Variants in CUX1 observed in about 807,000 individuals in gnomAD.
CUX1 encodes cut like homeobox 1, also known as protein CASP.
CUX1 carries 31 observed loss-of-function variants against 158.8 expected under a neutral mutation model. The observed-to-expected ratio is 0.20, with a 90% CI of 0.15 to 0.26. The LOEUF (loss-of-function observed/expected upper bound fraction) is 0.26. Among genes scored for constraint, CUX1 ranks in the 10% least tolerant of loss-of-function variants. The probability of loss-of-function intolerance (pLI) is 1.00; values close to 1 mark genes in which losing one functional copy is unlikely to be tolerated. For synonymous variants in CUX1, 879 were observed against 862.1 expected, an observed-to-expected ratio of 1.02 and a Z score of -0.34; for missense variants, 1,589 against 2,014.6, an observed-to-expected ratio of 0.79 and a Z score of 4.04.
chr7:102,020,491 C>G (rs1463005826), intron 2 of CUX1, among the ~76,000 whole-genome samples: 3 of 152,222 alleles, frequency 2.0e-5, no homozygotes, highest in Non-Finnish European at 4.4e-5. Flanking sequence ...AACTTAACAG[C>G]TATCTAACGT....
exon 16 of CUX1, chr7:102,274,258 C>G (rs1264637054): frequency 6.2e-7 from 1 of 1,613,652 alleles, no homozygotes; most frequent in Admixed American, 1.7e-5. Context: ...CCGCTGAGCA[C>G]CGCCTGGAGA....
At chr7:101,881,016 G>A (rs796551934) in intron 1 of CUX1, among the ~76,000 whole-genome samples, 19 of 152,328 alleles carry the variant, frequency 1.2e-4, no homozygotes, top group African/African-American at 2.9e-4. Context: ...GGAGCCCCCC[G>A]CAGTTTGATG....
Position 101,904,395 on chromosome 7 carries a change from C to A in CUX1, c.31-11720C>A, listed in dbSNP as rs1186800393. On this transcript the variant is annotated intron_variant, in intron 1 of 23. Coordinates refer to ENST00000292535, the MANE Select transcript of CUX1 (RefSeq NM_181552.4). ...CTGTCTACCCTAAGTCAGTACTGTA[C>A]TTCTGTTCATTTTCTGGGGGTGTGC... Among the ~76,000 whole-genome samples the A allele has an allele frequency of 3.3e-5, 5 of 152,242 alleles. No individual in the cohort carries two copies. The East Asian group carries it at 9.6e-4, about 29-fold the overall frequency.
rs1801623410 is a variant in CUX1, at chr7:102,252,498, A to G, written c.*3456A>G. On this transcript the variant is annotated 3_prime_UTR_variant, in exon 24 of 24. Coordinates refer to ENST00000292535, the MANE Select transcript of CUX1 (RefSeq NM_181552.4). ...ACTTAATTACAAGCTCCATTATGCC[A>G]TTTTAAATGGCTTCTTTTTGTTAAT... is the stretch of plus-strand genomic sequence containing the variant. The G allele has an allele frequency of 3.0e-6, 3 of 985,464 alleles. No individual in the cohort carries two copies. Among genetic ancestry groups the G allele is most frequent in the Non-Finnish European group, 3.6e-6 (3 of 829,940 alleles). The allele number at this position is 985,464 out of a possible 1,614,324, so 61.0% of individuals were successfully genotyped here. A position where few individuals can be genotyped will look rare whatever the true frequency, so the allele number is the denominator to read the frequency against.
intron 20 of CUX1, among the ~76,000 whole-genome samples, chr7:102,213,121 G>T (rs1361536851): frequency 2.0e-5 from 3 of 152,184 alleles, no homozygotes; most frequent in African/African-American, 7.2e-5. Flanking sequence ...TGGGGTTACA[G>T]GTGTGCACCA....
At position 102,248,835 on chromosome 7, in the gene CUX1, C is replaced by T; in HGVS notation, c.4311C>T (p.Ser1437=). 8.3e-7 allele frequency: 1 copy of T among 1,211,194 alleles called. No homozygotes were observed. Among genetic ancestry groups the T allele is most frequent in the African/African-American group, 1.6e-5 (1 of 60,972 alleles). 75.0% of individuals were successfully genotyped at this position (1,211,194 alleles called of 1,614,324 possible). A position where few individuals can be genotyped will look rare whatever the true frequency, so the allele number is the denominator to read the frequency against. ...APGEGPAAPS[S]APPPSNSSSS... Reference sequence around the variant, plus strand: ...GGGAGGGCCCCGCGGCCCCGAGCTCCGCGCCGCCGCCCAGCAACAGCAGCA... The same window carrying T: ...GGGAGGGCCCCGCGGCCCCGAGCTCTGCGCCGCCGCCCAGCAACAGCAGCA... The change falls in exon 24 of 24, where the codon TCC becomes TCT. Residue 1437 remains serine (S), a synonymous_variant. Coordinates refer to ENST00000292535, the MANE Select transcript of CUX1 (RefSeq NM_181552.4). The surrounding 1 kb of genome is among the most constrained non-coding windows in gnomAD (Gnocchi z 5.8).
At position 102,051,802 on chromosome 7, in the gene CUX1, A is replaced by G. The variant is rs375244582; in HGVS notation, c.190-18537A>G. On this transcript the variant is annotated intron_variant, in intron 3 of 23. Transcript: ENST00000292535. ...TGGATGGGAGGAAGACCTACTTTTC[A>G]CTGTCAACTTTGTTTTCGCTTTGCT... 1.4e-4 allele frequency among the ~76,000 whole-genome samples: 21 copies of G among 152,242 alleles called. 1 individual carries two copies. In the East Asian group the frequency reaches 1.7e-3, roughly 13 times the overall value.
chr7:102,173,119 G>A (rs1791915874), intron 10 of CUX1, among the ~76,000 whole-genome samples: 1 of 152,144 alleles, frequency 6.6e-6, no homozygotes, highest in Admixed American at 6.6e-5. Flanking sequence ...TAGCACTTTG[G>A]GGGGCCGAGG....
intron 4 of CUX1, among the ~76,000 whole-genome samples, chr7:102,085,613 G>A (rs1337083727): frequency 5.9e-5 from 9 of 152,156 alleles, no homozygotes; most frequent in African/African-American, 1.4e-4. Context: ...CCTCAGCCAC[G>A]CTCAACTGTG....
chr7:102,001,779 T>C (rs1285329772), intron 2 of CUX1, among the ~76,000 whole-genome samples: 1 of 152,250 alleles, frequency 6.6e-6, no homozygotes, highest in Non-Finnish European at 1.5e-5. Flanking sequence ...AAGCGTGTGC[T>C]GAGCAAAACT....
chr7:102,219,362 T>C (rs1797585031), intron 20 of CUX1, among the ~76,000 whole-genome samples: 1 of 152,030 alleles, frequency 6.6e-6, no homozygotes, highest in Non-Finnish European at 1.5e-5. Flanking sequence ...TCCCTCCCAC[T>C]CCAACCCTTC....
intron 6 of CUX1, among the ~76,000 whole-genome samples, chr7:102,108,368 CAG>C (rs1427153257): frequency 1.3e-5 from 2 of 152,244 alleles, no homozygotes; most frequent in East Asian, 1.9e-4. Flanking sequence ...TTTTTTGAGA[CAG>C]AGTCTTGCTC....
intron 9 of CUX1, among the ~76,000 whole-genome samples, chr7:102,161,885 G>A (rs1042108594): frequency 6.6e-6 from 1 of 152,202 alleles, no homozygotes; most frequent in Non-Finnish European, 1.5e-5. Context: ...TGGGGTTACA[G>A]GCAAGAGCCA....
intron 13 of CUX1, among the ~76,000 whole-genome samples, chr7:102,194,378 C>T (rs1302464338): frequency 1.3e-5 from 2 of 151,366 alleles, no homozygotes; most frequent in South Asian, 2.1e-4. Flanking sequence ...ACAGGAGGAT[C>T]GCTTTGAGGC....
chr7:102,132,310 C>G (rs111262786), intron 8 of CUX1, among the ~76,000 whole-genome samples: 1 of 25,370 alleles, frequency 3.9e-5, no homozygotes, highest in African/African-American at 8.6e-5. Context: ...TGTGTGTGTG[C>G]GCGCGCGCGC....
chr7:101,994,536 G>T (rs562103108), intron 2 of CUX1, among the ~76,000 whole-genome samples: 1 of 152,312 alleles, frequency 6.6e-6, no homozygotes, highest in East Asian at 1.9e-4. Flanking sequence ...AGGAGGTGGA[G>T]GCCGCAGTGA....
intron 4 of CUX1, among the ~76,000 whole-genome samples, chr7:102,086,175 T>G (rs1332651240): frequency 6.6e-6 from 1 of 152,026 alleles, no homozygotes; most frequent in Non-Finnish European, 1.5e-5. Context: ...CCTTGATTAG[T>G]CTGGCTAGAG....
chr7:102,115,107 C>T (rs1000290921), intron 7 of CUX1, 100 bp from the exon 8 acceptor site: 5 of 1,042,102 alleles, frequency 4.8e-6, no homozygotes, highest in African/African-American at 1.6e-5. Context: ...CACCTCGCTC[C>T]TCACAGAAAT....
At chr7:102,052,238 G>A (rs781446385) in intron 3 of CUX1, among the ~76,000 whole-genome samples, 20 of 151,808 alleles carry the variant, frequency 1.3e-4, no homozygotes, top group African/African-American at 4.6e-4. Context: ...AGAAAGAAAC[G>A]TAATACCCAT....
Sources: gnomAD v4.1 joint callset for allele counts (sites outside exome capture counted in the v4.1 genomes callset) on GRCh38, gnomAD v4.1.1 for gene constraint, Gnocchi (gnomAD v3.1) non-coding constraint, MANE v1.5 for transcripts, NCBI Gene and HGNC (gene_info 2026-07-23, HGNC 2026-07-21) for gene names.